The following ANOS1 variants were observed in gnomAD, a reference collection of about 807,000 sequenced individuals.
The protein encoded by ANOS1 is anosmin 1.
In ANOS1, 6 loss-of-function variants were observed where a neutral mutation model predicts 59.0. The observed-to-expected ratio is 0.10, with a 90% CI of 0.06 to 0.20. The LOEUF (loss-of-function observed/expected upper bound fraction) is 0.20, where lower values mean the gene tolerates loss of function less well. ANOS1 is among the 10% of genes least tolerant of loss of function. The pLI is 1.00. For missense variants in ANOS1, 433 were observed against 542.3 expected, an observed-to-expected ratio of 0.80 and a Z score of 2.00; for synonymous variants, 217 against 223.4, an observed-to-expected ratio of 0.97 and a Z score of 0.25.
intron 8 of ANOS1, among the ~76,000 whole-genome samples, chrX:8,565,441 GA>G (rs1479452552): frequency 2.7e-5 from 3 of 111,528 alleles, no homozygotes; most frequent in African/African-American, 6.5e-5. Context: ...CTTGAGAGTG[GA>G]ACTCCAAAAA....
chrX:8,533,134 A>G, intron 13 of ANOS1, 81 bp from the exon 14 acceptor site: 1 of 616,340 alleles, frequency 1.6e-6, no homozygotes, highest in Non-Finnish European at 2.7e-6. Flanking sequence ...TTGTAGAAAA[A>G]GCACGAGACC....
intron 2 of ANOS1, among the ~76,000 whole-genome samples, chrX:8,659,481 TCTTC>T (rs777514964): frequency 1.6e-4 from 17 of 105,142 alleles, no homozygotes; most frequent in African/African-American, 4.9e-4. Context: ...TTGCTTGCTC[TCTTC>T]CTTCCTTCCT....
At chrX:8,572,136 T>A (rs867746019) in intron 6 of ANOS1, among the ~76,000 whole-genome samples, 3 of 104,314 alleles carry the variant, frequency 2.9e-5, no homozygotes, top group Non-Finnish European at 5.8e-5. Context: ...ATTTTTTTTT[T>A]AAATTAACTT....
chrX:8,644,194 G>C (rs1931712998), intron 2 of ANOS1, among the ~76,000 whole-genome samples: 1 of 111,660 alleles, frequency 9.0e-6, no homozygotes, highest in African/African-American at 3.3e-5. Flanking sequence ...GTTATGCAGA[G>C]GACCATTCAG....
At chrX:8,589,383 T>G (rs921193106) in intron 4 of ANOS1, among the ~76,000 whole-genome samples, 1 of 111,876 alleles carries the variant, frequency 8.9e-6, no homozygotes, top group African/African-American at 3.2e-5. Context: ...AAAGGGTTAA[T>G]TATCTACATG....
intron 3 of ANOS1, among the ~76,000 whole-genome samples, chrX:8,620,095 G>C (rs1257548746): frequency 9.2e-6 from 1 of 109,061 alleles, no homozygotes; most frequent in Non-Finnish European, 1.9e-5. Flanking sequence ...ACTGTGCCCA[G>C]CCTGTTCTTT....
intron 2 of ANOS1, among the ~76,000 whole-genome samples, chrX:8,676,647 T>A (rs1932342512): frequency 8.9e-6 from 1 of 112,338 alleles, no homozygotes; most frequent in Non-Finnish European, 1.9e-5. Context: ...TTTTCTTTTT[T>A]AAATATATTC....
chrX:8,725,186 A>C (rs886511848), intron 1 of ANOS1, among the ~76,000 whole-genome samples: 7 of 111,162 alleles, frequency 6.3e-5, no homozygotes, highest in Non-Finnish European at 1.3e-4. Context: ...TGCTGTCCCA[A>C]ACCTCTCTTC....
intron 2 of ANOS1, among the ~76,000 whole-genome samples, chrX:8,693,240 G>A (rs1412683224): frequency 8.9e-6 from 1 of 111,843 alleles, no homozygotes; most frequent in African/African-American, 3.2e-5. Context: ...TTCCTGAAGC[G>A]CACAATGAAA....
Position 8,731,968 on chromosome X carries a change from C to G in ANOS1, c.69G>C (p.Leu23=). The G allele has an allele frequency of 1.8e-6, 2 of 1,107,672 alleles. No individual in the cohort carries two copies. The highest frequency in any genetic ancestry group is 2.2e-5 in the South Asian group (1 of 45,711). The allele number at this position is 1,107,672 out of a possible 1,213,427, so 91.3% of individuals were successfully genotyped here. A position where few individuals can be genotyped will look rare whatever the true frequency, so the allele number is the denominator to read the frequency against. ...CAGCAGCCGCGCCGGGGCCGGCCGC[C>G]AGGCAGCCGCTGGAGGCCGCCAGCC... ...CLWLAASSGC[L]AAGPGAAAAR... The change falls in exon 1 of 14, where the codon CTG becomes CTC. Residue 23 remains leucine (L), a synonymous_variant. Transcript: ENST00000262648.
Position 8,568,376 on chromosome X carries a change from A to G in ANOS1, c.1063T>C (p.Phe355Leu). ...TTCTCCAGGATCACAGAATTTTGAA[A>G]CTAGAAATTAAGAGAATATACCCAA... ...KKKRRKTTDG[F>L]QNSVILEKLQ... Residue 355 changes from phenylalanine (F) to leucine (L), a missense_variant and splice_region_variant, in exon 8 of 14, where the codon TTT (phenylalanine) becomes CTT (leucine). Physicochemically the swap from Phe to Leu is conservative, Grantham distance 22. Transcript: ENST00000262648. 1 of 1,207,982 alleles carries G rather than the reference A, an allele frequency of 8.3e-7. No individual in the cohort carries two copies. The highest frequency in any genetic ancestry group is 1.1e-6 in the Non-Finnish European group (1 of 892,396).
At chrX:8,701,820 TC>T (rs1020685228) in intron 1 of ANOS1, among the ~76,000 whole-genome samples, 2 of 110,931 alleles carry the variant, frequency 1.8e-5, no homozygotes, top group African/African-American at 3.3e-5. Context: ...AATTATAGGA[TC>T]CCCCCCAAAC....
At chrX:8,589,783 A>T (rs1930583679) in intron 4 of ANOS1, among the ~76,000 whole-genome samples, 2 of 112,375 alleles carry the variant, frequency 1.8e-5, no homozygotes. Context: ...ATCCCTGGCT[A>T]AGCTGCAGAC....
intron 1 of ANOS1, among the ~76,000 whole-genome samples, chrX:8,705,814 G>T (rs749655479): frequency 8.9e-6 from 1 of 112,619 alleles, no homozygotes; most frequent in Admixed American, 9.4e-5. Flanking sequence ...CAAAGATAAA[G>T]AGTCAAAGTA....
At chrX:8,660,153 C>T (rs1372573196) in intron 2 of ANOS1, among the ~76,000 whole-genome samples, 1 of 111,305 alleles carries the variant, frequency 9.0e-6, no homozygotes, top group Non-Finnish European at 1.9e-5. Flanking sequence ...TAACATGAAA[C>T]CCATCCCTGA....
intron 2 of ANOS1, among the ~76,000 whole-genome samples, chrX:8,633,253 C>A (rs183951318): frequency 9.0e-6 from 1 of 111,485 alleles, no homozygotes; most frequent in Non-Finnish European, 1.9e-5. Flanking sequence ...TCTCTCACTG[C>A]GAAACTTATC....
intron 2 of ANOS1, among the ~76,000 whole-genome samples, chrX:8,666,013 G>GA (rs1400088099): frequency 1.8e-5 from 2 of 110,085 alleles, no homozygotes; most frequent in Non-Finnish European, 3.8e-5. Context: ...ACCAGCCTGG[G>GA]AGACATAGCA....
chrX:8,731,740 T>C (rs371772052), intron 1 of ANOS1, 90 bp downstream of exon 1: 1 of 1,128,363 alleles, frequency 8.9e-7, no homozygotes, highest in Non-Finnish European at 1.2e-6. Context: ...GCCGAGAACT[T>C]TGCGAGCCCA....
chrX:8,594,674 A>ATG, intron 4 of ANOS1, among the ~76,000 whole-genome samples: 1 of 56,121 alleles, frequency 1.8e-5, no homozygotes, highest in African/African-American at 8.1e-5. Context: ...ATATATATAT[A>ATG]TATATATATA....
Sources: gnomAD v4.1 joint callset for allele counts (sites outside exome capture counted in the v4.1 genomes callset) on GRCh38, gnomAD v4.1.1 for gene constraint, MANE v1.5 for transcripts, NCBI Gene and HGNC (gene_info 2026-07-23, HGNC 2026-07-21) for gene names.